COG5: variants seen among roughly 807,000 people sequenced by gnomAD.
The protein encoded by COG5 is component of oligomeric golgi complex 5.
In COG5, 86 loss-of-function variants were observed where a neutral mutation model predicts 110.4. That is an observed-to-expected ratio of 0.78 (90% CI 0.65 to 0.93). The LOEUF (loss-of-function observed/expected upper bound fraction) is 0.93, where lower values mean the gene tolerates loss of function less well. Among genes scored for constraint, COG5 ranks in the 40% least tolerant of loss-of-function variants. COG5 has a pLI of 0.00. For missense variants in COG5, 1,077 were observed against 987.0 expected, an observed-to-expected ratio of 1.09 and a Z score of -1.22; for synonymous variants, 360 against 334.6, an observed-to-expected ratio of 1.08 and a Z score of -0.83.
intron 12 of COG5, among the ~76,000 whole-genome samples, chr7:107,290,432 G>A (rs1010882309): frequency 1.3e-5 from 2 of 152,062 alleles, no homozygotes; most frequent in African/African-American, 4.8e-5. Context: ...TTATACAGTC[G>A]ATACATATTA....
chr7:107,414,489 A>C (rs754078787), intron 6 of COG5, among the ~76,000 whole-genome samples: 26 of 152,220 alleles, frequency 1.7e-4, no homozygotes, highest in Middle Eastern at 3.4e-3. Flanking sequence ...AATCTACTAG[A>C]TTAGATAAAA....
intron 14 of COG5, among the ~76,000 whole-genome samples, chr7:107,266,062 CAAT>C (rs897259516): frequency 1.3e-5 from 2 of 151,540 alleles, no homozygotes; most frequent in African/African-American, 2.4e-5. Context: ...ATAATAACAA[CAAT>C]AATAATAATA....
rs2129111761 is a variant in COG5 at position 107,473,956 on chromosome 7, T to TC, written c.538+53280_538+53281insG. ...TTAAACTAAGTACACAATTGAAAGA[T>TC]TTTTTTTCTTACAAAGAACACGTTA... On this transcript the variant is annotated intron_variant, in intron 6 of 21. Coordinates refer to ENST00000297135, the MANE Select transcript of COG5 (RefSeq NM_006348.5). The TC allele has an allele frequency of 1.2e-5, 5 of 407,306 alleles. No individual in the cohort carries two copies. The East Asian group carries it at 1.7e-4, about 14-fold the overall frequency. The allele number at this position is 407,306 out of a possible 1,614,324, so 25.2% of individuals were successfully genotyped here.
At chr7:107,524,570 A>G (rs1441730533) in intron 6 of COG5, among the ~76,000 whole-genome samples, 1 of 152,248 alleles carries the variant, frequency 6.6e-6, no homozygotes, top group African/African-American at 2.4e-5. Context: ...TAGTGACTGC[A>G]AAATTATTAC....
At chr7:107,525,096 T>G (rs1357259868) in intron 6 of COG5, among the ~76,000 whole-genome samples, 1 of 152,008 alleles carries the variant, frequency 6.6e-6, no homozygotes, top group African/African-American at 2.4e-5. Context: ...CCCAGCTAAT[T>G]TTTGTATTTT....
At chr7:107,268,067 C>T (rs1010505921) in intron 14 of COG5, among the ~76,000 whole-genome samples, 3 of 152,180 alleles carry the variant, frequency 2.0e-5, no homozygotes, top group African/African-American at 7.2e-5. Context: ...CTCCCAGGTT[C>T]AAGCGATTCT....
chr7:107,319,988 A>T lies in COG5; in HGVS notation c.1108+4452T>A, dbSNP rs145962076. 1.6e-3 allele frequency among the ~76,000 whole-genome samples: 236 copies of T among 152,204 alleles called. 6 individuals are homozygous for T. The East Asian group carries it at 0.043, about 28-fold the overall frequency. On this transcript the variant is annotated intron_variant, in intron 11 of 21. Coordinates refer to ENST00000297135, the MANE Select transcript of COG5 (RefSeq NM_006348.5). ...CTCCATTTCAAAAAACAAAACAACA[A>T]CAACAAAAAAAACTGAAAAGTATAA... is the stretch of plus-strand genomic sequence containing the variant.
chr7:107,267,515 T>C (rs1162973231), intron 14 of COG5, among the ~76,000 whole-genome samples: 6 of 152,216 alleles, frequency 3.9e-5, no homozygotes, highest in African/African-American at 1.4e-4. Flanking sequence ...TGCTGAGCTT[T>C]TCCCACTTTC....
At chr7:107,545,779 C>CAAA (rs59515448) in intron 5 of COG5, among the ~76,000 whole-genome samples, 16 of 69,818 alleles carry the variant, frequency 2.3e-4, no homozygotes, top group Non-Finnish European at 3.7e-4. Flanking sequence ...GACTCCATCT[C>CAAA]AAAAAAAAAA....
chr7:107,527,987 G>A (rs1457237598), intron 5 of COG5, among the ~76,000 whole-genome samples: 1 of 152,118 alleles, frequency 6.6e-6, no homozygotes, highest in East Asian at 1.9e-4. Context: ...ATGCTAGGTT[G>A]CTCAGCTTCC....
chr7:107,349,286 C>A (rs1811915798), intron 10 of COG5, among the ~76,000 whole-genome samples: 1 of 152,128 alleles, frequency 6.6e-6, no homozygotes, highest in African/African-American at 2.4e-5. Context: ...AACTGGAATC[C>A]TTTTATTTTT....
At chr7:107,327,402 G>A (rs147292130) in intron 10 of COG5, among the ~76,000 whole-genome samples, 1 of 152,162 alleles carries the variant, frequency 6.6e-6, no homozygotes, top group Non-Finnish European at 1.5e-5. Context: ...TCTTGTATAG[G>A]ACACCATGAA....
At chr7:107,555,647 T>C (rs1397391023) in intron 2 of COG5, among the ~76,000 whole-genome samples, 2 of 152,212 alleles carry the variant, frequency 1.3e-5, no homozygotes, top group African/African-American at 4.8e-5. Context: ...TTAAAAAGCC[T>C]AAAACTATAG....
chr7:107,232,911 T>C (rs980842573), intron 18 of COG5, among the ~76,000 whole-genome samples: 2 of 152,178 alleles, frequency 1.3e-5, no homozygotes, highest in East Asian at 3.9e-4. Flanking sequence ...GTTCCTTCCC[T>C]ACCACAGACA....
intron 12 of COG5, among the ~76,000 whole-genome samples, chr7:107,288,799 C>A (rs184206886): frequency 7.0e-4 from 106 of 150,792 alleles, no homozygotes; most frequent in Non-Finnish European, 5.3e-4. Context: ...TCCAAAATAT[C>A]ATTTAAATAT....
intron 3 of COG5, among the ~76,000 whole-genome samples, chr7:107,551,194 C>T (rs530328767): frequency 6.6e-6 from 1 of 152,242 alleles, no homozygotes; most frequent in South Asian, 2.1e-4. Context: ...AGGCACCCAC[C>T]ACCACACCTG....
At chr7:107,348,045 G>A (rs901442455) in intron 10 of COG5, among the ~76,000 whole-genome samples, 10 of 139,840 alleles carry the variant, frequency 7.2e-5, no homozygotes, top group Non-Finnish European at 1.2e-4. Flanking sequence ...AGAATCGCTT[G>A]AACCTGGGAG....
At chr7:107,326,825 T>C (rs938144120) in intron 10 of COG5, among the ~76,000 whole-genome samples, 2 of 152,112 alleles carry the variant, frequency 1.3e-5, no homozygotes, top group Non-Finnish European at 2.9e-5. Flanking sequence ...TCCAAATATC[T>C]TTCTTGAGGG....
chr7:107,560,019 G>C (rs1378868341), intron 1 of COG5, among the ~76,000 whole-genome samples: 1 of 152,204 alleles, frequency 6.6e-6, no homozygotes, highest in Non-Finnish European at 1.5e-5. Context: ...TTATGTTACA[G>C]AACAATAATC....
Sources: gnomAD v4.1 joint callset for allele counts (sites outside exome capture counted in the v4.1 genomes callset) on GRCh38, gnomAD v4.1.1 for gene constraint, MANE v1.5 for transcripts, NCBI Gene and HGNC (gene_info 2026-07-23, HGNC 2026-07-21) for gene names.